RCAN2: variants seen among roughly 807,000 people sequenced by gnomAD.
RCAN2 encodes the protein regulator of calcineurin 2.
A neutral mutation model predicts 23.6 loss-of-function variants in RCAN2; 9 were observed. The ratio of observed to expected loss-of-function variants is 0.38; its 90% CI spans 0.23 to 0.67. The LOEUF is 0.67. Ranked by LOEUF, RCAN2 falls within the 30% of genes least tolerant of loss-of-function variation. RCAN2 has a pLI of 0.51. For missense variants in RCAN2, 273 were observed against 302.3 expected, an observed-to-expected ratio of 0.90 and a Z score of 0.72; for synonymous variants, 109 against 115.7, an observed-to-expected ratio of 0.94 and a Z score of 0.37.
chr6:46,292,616 AATTT>A (rs1252543014), intron 2 of RCAN2, among the ~76,000 whole-genome samples: 4 of 151,974 alleles, frequency 2.6e-5, no homozygotes, highest in African/African-American at 9.7e-5. Context: ...GTAATAGAAA[AATTT>A]ATTTTTCCAA....
chr6:46,228,619 A>G (rs935277769), intron 4 of RCAN2, among the ~76,000 whole-genome samples: 2 of 150,130 alleles, frequency 1.3e-5, no homozygotes, highest in African/African-American at 4.9e-5. Context: ...TTTGTTTTCT[A>G]TTTGCTTGGT....
chr6:46,400,237 C>T (rs1766211402), intron 2 of RCAN2, among the ~76,000 whole-genome samples: 1 of 152,218 alleles, frequency 6.6e-6, no homozygotes, highest in Admixed American at 6.5e-5. Flanking sequence ...CTTTCCTTAG[C>T]ACTTAGTCAA....
At chr6:46,395,675 C>T (rs1766067778) in intron 2 of RCAN2, among the ~76,000 whole-genome samples, 1 of 152,194 alleles carries the variant, frequency 6.6e-6, no homozygotes, top group South Asian at 2.1e-4. Context: ...TAAGGCTTAA[C>T]GTTAAGGCTA....
intron 2 of RCAN2, among the ~76,000 whole-genome samples, chr6:46,306,847 T>C (rs1454264608): frequency 2.0e-5 from 3 of 152,074 alleles, no homozygotes; most frequent in Non-Finnish European, 2.9e-5. Flanking sequence ...CCTGCCCTAC[T>C]TTTTTTCTCT....
chr6:46,377,175 G>A (rs1765498127), intron 2 of RCAN2, among the ~76,000 whole-genome samples: 1 of 152,094 alleles, frequency 6.6e-6, no homozygotes. Flanking sequence ...AGTGGGTGGG[G>A]GCAAAACACA....
At chr6:46,250,035 A>G (rs951743632) in intron 2 of RCAN2, among the ~76,000 whole-genome samples, 1 of 152,194 alleles carries the variant, frequency 6.6e-6, no homozygotes, top group Admixed American at 6.5e-5. Context: ...CACAATTTCA[A>G]TTCAACTGAG....
chr6:46,325,541 GC>G, intron 2 of RCAN2: 1 of 1,603,620 alleles, frequency 6.2e-7, no homozygotes, highest in South Asian at 1.1e-5. Context: ...GAAGGGAAGA[GC>G]TTCCAGATGG....
chr6:46,442,766 C>T (rs754518019), intron 2 of RCAN2, among the ~76,000 whole-genome samples: 2 of 152,194 alleles, frequency 1.3e-5, no homozygotes, highest in Non-Finnish European at 2.9e-5. Context: ...TCTCTACTGT[C>T]TCAATTATTT....
chr6:46,487,600 C>T (rs1475264915), intron 1 of RCAN2, among the ~76,000 whole-genome samples: 4 of 152,154 alleles, frequency 2.6e-5, no homozygotes, highest in South Asian at 2.1e-4. Context: ...ATTAATTGCC[C>T]CAGTTTCTCA....
rs138116797 is a variant in RCAN2, at chr6:46,295,713, C to T, written c.226-46817G>A. ...AAAAAGACTGAAGGAAACATGGCAT[C>T]AAAAGAGCATCAGTTGTTAGGATGG... On this transcript the variant is annotated intron_variant, in intron 2 of 4. Transcript: ENST00000371374. Among the ~76,000 whole-genome samples the T allele has an allele frequency of 4.0e-3, 608 of 152,124 alleles. 6 individuals are homozygous for T. The highest frequency in any genetic ancestry group is 0.014 in the African/African-American group (576 of 41,534).
At chr6:46,312,506 T>C (rs906956062) in intron 2 of RCAN2, among the ~76,000 whole-genome samples, 2 of 152,154 alleles carry the variant, frequency 1.3e-5, no homozygotes, top group Non-Finnish European at 2.9e-5. Context: ...GAACCAGGGT[T>C]TGGATTTCTG....
At chr6:46,325,437 C>G (rs1194496951) in intron 2 of RCAN2, 1 of 1,614,202 alleles carries the variant, frequency 6.2e-7, no homozygotes, top group Admixed American at 1.7e-5. Context: ...ACCACACAGG[C>G]AACCAGAGTG....
intron 4 of RCAN2, among the ~76,000 whole-genome samples, chr6:46,239,925 GA>G (rs1171742383): frequency 1.3e-5 from 2 of 152,262 alleles, no homozygotes; most frequent in Admixed American, 1.3e-4. Flanking sequence ...TAATGGTTGA[GA>G]AAAAGAAGCA....
At chr6:46,477,690 TAAC>T (rs1768752822) in intron 1 of RCAN2, among the ~76,000 whole-genome samples, 1 of 152,166 alleles carries the variant, frequency 6.6e-6, no homozygotes, top group South Asian at 2.1e-4. Context: ...AGTATAAAAA[TAAC>T]GTCGTTACCA....
intron 2 of RCAN2, among the ~76,000 whole-genome samples, chr6:46,449,267 C>A (rs1321825203): frequency 6.6e-6 from 1 of 151,178 alleles, no homozygotes; most frequent in African/African-American, 2.4e-5. Flanking sequence ...TAAATTTAAC[C>A]AAGGAAGTGA....
At chr6:46,292,949 C>T (rs1318492984) in intron 2 of RCAN2, among the ~76,000 whole-genome samples, 1 of 152,156 alleles carries the variant, frequency 6.6e-6, no homozygotes, top group Non-Finnish European at 1.5e-5. Flanking sequence ...GTTCAACTCC[C>T]ACTTATGAGT....
chr6:46,371,257 G>A (rs1238155613), intron 2 of RCAN2, among the ~76,000 whole-genome samples: 1 of 152,068 alleles, frequency 6.6e-6, no homozygotes, highest in East Asian at 1.9e-4. Flanking sequence ...GGTAGAGAGA[G>A]GCAGAATTCC....
intron 2 of RCAN2, among the ~76,000 whole-genome samples, chr6:46,287,709 A>G (rs1762419534): frequency 2.6e-5 from 4 of 152,242 alleles, no homozygotes; most frequent in Admixed American, 2.6e-4. Context: ...CTCTTTAGAG[A>G]AGATTCAAAG....
chr6:46,350,170 A>G (rs1764604060), intron 2 of RCAN2, among the ~76,000 whole-genome samples: 1 of 152,250 alleles, frequency 6.6e-6, no homozygotes, highest in African/African-American at 2.4e-5. Context: ...ATCCCCAGCA[A>G]CTACAAAAAA....
Sources: gnomAD v4.1 joint callset for allele counts (sites outside exome capture counted in the v4.1 genomes callset) on GRCh38, gnomAD v4.1.1 for gene constraint, MANE v1.5 for transcripts, NCBI Gene and HGNC (gene_info 2026-07-23, HGNC 2026-07-21) for gene names.